ETHE1: variants seen among roughly 807,000 people sequenced by gnomAD.
ETHE1 encodes the protein persulfide dioxygenase ETHE1, mitochondrial.
ETHE1 carries 16 observed loss-of-function variants against 25.7 expected under a neutral mutation model. The ratio of observed to expected loss-of-function variants is 0.62; its 90% confidence interval spans 0.42 to 0.95. The LOEUF is 0.95. Among genes scored for constraint, ETHE1 ranks in the 40% least tolerant of loss-of-function variants. The probability of loss-of-function intolerance (pLI) is 0.00; values close to 1 mark genes in which losing one functional copy is unlikely to be tolerated. For missense variants in ETHE1, 300 were observed against 333.6 expected (o/e 0.90, Z 0.79); for synonymous variants, 139 against 135.9 (o/e 1.02, Z -0.16).
At position 43,526,643 on chromosome 19, in the gene ETHE1, C is replaced by T; in HGVS notation, c.98G>A (p.Ser33Asn). 6.2e-7 allele frequency: 1 copy of T among 1,613,876 alleles called. No homozygotes were observed. The highest frequency in any genetic ancestry group is 8.5e-7 in the Non-Finnish European group (1 of 1,180,014). ...ILLRQMFEPVSCTFTYLLGDR... is the reference protein window; with the variant it reads ...ILLRQMFEPVNCTFTYLLGDR... ...ACCCAGCAGGTACGTGAAGGTGCAG[C>T]TCACAGGCTCGAACATCTGGGAACG... is the stretch of plus-strand genomic sequence containing the variant. Residue 33 changes from serine to asparagine, a missense_variant, in exon 2 of 7, where the codon AGC (serine) becomes AAC (asparagine). Physicochemically the swap from Ser to Asn is conservative, Grantham distance 46. Coordinates refer to ENST00000292147, the MANE Select transcript of ETHE1 (RefSeq NM_014297.5).
chr19:43,527,008 C>A (rs1269336919), intron 1 of ETHE1, 89 bp downstream of exon 1: 2 of 1,537,248 alleles, frequency 1.3e-6, no homozygotes, highest in Admixed American at 3.9e-5. Flanking sequence ...TGGGTCCCCC[C>A]GGATCTCTCC....
At chr19:43,507,237 T>A (rs12977609) in intron 6 of ETHE1, among the ~76,000 whole-genome samples, 2 of 31,002 alleles carry the variant, frequency 6.5e-5, no homozygotes, top group Non-Finnish European at 1.2e-4. Context: ...AGGAGTCCAG[T>A]CCCCCAGCCC....
At chr19:43,509,637 T>C (rs1484298493) in intron 4 of ETHE1, among the ~76,000 whole-genome samples, 3 of 148,508 alleles carry the variant, frequency 2.0e-5, no homozygotes, top group Non-Finnish European at 4.5e-5. Flanking sequence ...CTACTAAAAA[T>C]ACAAAAAAAT....
intron 4 of ETHE1, among the ~76,000 whole-genome samples, chr19:43,511,003 G>A (rs918233207): frequency 1.3e-5 from 2 of 151,966 alleles, no homozygotes; most frequent in African/African-American, 4.8e-5. Flanking sequence ...GCACATGCGA[G>A]GGATCTAGGT....
rs546778267 is a variant in ETHE1 at position 43,522,789 on chromosome 19, A to G, written c.375+3412T>C. Among the ~76,000 whole-genome samples the G allele has an allele frequency of 2.6e-5, 4 of 152,336 alleles. No individual in the cohort carries two copies. In the East Asian group the frequency reaches 7.7e-4, roughly 29 times the overall value. Reference sequence around the variant, plus strand: ...AGCCTGACCTAAAATCCAAATGTAGAGGCCACAAATAAAGTCTTATTAGAA... The same window carrying G: ...AGCCTGACCTAAAATCCAAATGTAGGGGCCACAAATAAAGTCTTATTAGAA... On this transcript the variant is annotated intron_variant, in intron 3 of 6. Coordinates refer to ENST00000292147, the MANE Select transcript of ETHE1 (RefSeq NM_014297.5).
chr19:43,522,942 C>T (rs771090631), intron 3 of ETHE1, among the ~76,000 whole-genome samples: 2 of 152,086 alleles, frequency 1.3e-5, no homozygotes, highest in Non-Finnish European at 2.9e-5. Flanking sequence ...TGGTCCTTCA[C>T]AGAAAAAGGT....
intron 3 of ETHE1, among the ~76,000 whole-genome samples, chr19:43,515,585 T>A (rs998575186): frequency 6.6e-6 from 1 of 152,052 alleles, no homozygotes; most frequent in African/African-American, 2.4e-5. Context: ...TTTTGTTTTG[T>A]TTTGTTTTGG....
At chr19:43,506,924 T>G in intron 6 of ETHE1, 22 bp from the exon 7 acceptor site, 2 of 1,613,574 alleles carry the variant, frequency 1.2e-6, no homozygotes, top group Non-Finnish European at 1.7e-6. Flanking sequence ...AAATCAAGGT[T>G]AAAACTAAGG....
intron 4 of ETHE1, 76 bp from the exon 5 acceptor site, chr19:43,508,940 G>T: frequency 1.8e-6 from 2 of 1,133,374 alleles, no homozygotes; most frequent in East Asian, 2.5e-5. Flanking sequence ...GAAAAGGGTA[G>T]GAGGATAAAA....
intron 3 of ETHE1, among the ~76,000 whole-genome samples, chr19:43,524,026 G>C (rs1458322586): frequency 6.6e-6 from 1 of 151,480 alleles, no homozygotes; most frequent in Non-Finnish European, 1.5e-5. Context: ...ACCTGAGATA[G>C]GGAGTTGGAG....
intron 2 of ETHE1, 26 bp downstream of exon 2, chr19:43,526,489 T>C: frequency 1.2e-6 from 2 of 1,610,440 alleles, no homozygotes; most frequent in South Asian, 2.2e-5. Flanking sequence ...CCCGCTGGGA[T>C]CCATGAGTTT....
intron 3 of ETHE1, among the ~76,000 whole-genome samples, chr19:43,514,621 G>A (rs1196183782): frequency 1.3e-5 from 2 of 151,780 alleles, no homozygotes; most frequent in Non-Finnish European, 2.9e-5. Context: ...GAGTAGCTGG[G>A]ATTACAGGCA....
chr19:43,525,834 T>G, intron 3 of ETHE1: 3 of 308,796 alleles, frequency 9.7e-6, no homozygotes, highest in Non-Finnish European at 1.2e-5. Context: ...CAAACGGAGG[T>G]TTCCGCAAGA....
chr19:43,524,103 C>T (rs1017503503), intron 3 of ETHE1, among the ~76,000 whole-genome samples: 1 of 152,104 alleles, frequency 6.6e-6, no homozygotes, highest in Admixed American at 6.5e-5. Flanking sequence ...GGCATGGTGG[C>T]GCATGCCTGT....
At chr19:43,517,490 A>G (rs1218614834) in intron 3 of ETHE1, among the ~76,000 whole-genome samples, 1 of 147,530 alleles carries the variant, frequency 6.8e-6, no homozygotes, top group Non-Finnish European at 1.5e-5. Context: ...AAATACAAAA[A>G]TTAGCCGAAG....
intron 3 of ETHE1, among the ~76,000 whole-genome samples, chr19:43,512,352 C>A (rs1599992372): frequency 6.6e-6 from 1 of 152,238 alleles, no homozygotes; most frequent in East Asian, 1.9e-4. Flanking sequence ...GTGGCTTTGA[C>A]CAATATGCCG....
At chr19:43,527,036 A>T (rs1972267147) in intron 1 of ETHE1, 61 bp downstream of exon 1, 1 of 1,541,154 alleles carries the variant, frequency 6.5e-7, no homozygotes, top group Non-Finnish European at 8.7e-7. Flanking sequence ...GAGACCCCGG[A>T]GTTCCGTCCT....
chr19:43,522,007 C>A (rs970111093), intron 3 of ETHE1, among the ~76,000 whole-genome samples: 1 of 152,096 alleles, frequency 6.6e-6, no homozygotes, highest in Non-Finnish European at 1.5e-5. Flanking sequence ...GGAGCCACCA[C>A]AACCTGCCCA....
chr19:43,524,412 T>C (rs1972199087), intron 3 of ETHE1, among the ~76,000 whole-genome samples: 1 of 146,926 alleles, frequency 6.8e-6, no homozygotes, highest in Admixed American at 6.8e-5. Flanking sequence ...AAAAAAAAGT[T>C]GCCTAAGGCT....
Sources: allele counts gnomAD v4.1 joint callset (sites outside exome capture counted in the v4.1 genomes callset), GRCh38; gene constraint gnomAD v4.1.1; transcripts MANE v1.5; gene names NCBI Gene and HGNC (gene_info 2026-07-23, HGNC 2026-07-21).